HS6ST3: variants seen among roughly 807,000 people sequenced by gnomAD.
HS6ST3 encodes the protein heparan sulfate 6-O-sulfotransferase 3, also known as heparan-sulfate 6-O-sulfotransferase 3.
HS6ST3 carries 12 observed loss-of-function variants against 36.7 expected under a neutral mutation model. That is an observed-to-expected ratio of 0.33 (90% CI 0.21 to 0.53). HS6ST3 has a LOEUF of 0.53. Among genes scored for constraint, HS6ST3 ranks in the 20% least tolerant of loss-of-function variants. HS6ST3 has a pLI of 0.95. For missense variants in HS6ST3, 584 were observed against 640.9 expected (o/e 0.91, Z 0.96); for synonymous variants, 240 against 257.5 (o/e 0.93, Z 0.65).
In HS6ST3 at chr13:96,345,383, A is replaced by G. The variant is rs528778905; in HGVS notation, c.707+253814A>G. Among the ~76,000 whole-genome samples the G allele has an allele frequency of 2.0e-5, 3 of 152,274 alleles. No individual in the cohort carries two copies. The East Asian group carries it at 5.8e-4, about 29-fold the overall frequency. ...GCGTGTTTGTCTTAGTGACTGGATT[A>G]ATTTTTAGGTGTGTGTGCATATATC... On this transcript the variant is annotated intron_variant, in intron 1 of 1. Coordinates refer to ENST00000376705, the MANE Select transcript of HS6ST3 (RefSeq NM_153456.4).
intron 1 of HS6ST3, among the ~76,000 whole-genome samples, chr13:96,319,854 G>A (rs976577984): frequency 6.6e-6 from 1 of 152,112 alleles, no homozygotes; most frequent in Non-Finnish European, 1.5e-5. Context: ...TCTTTGCTGG[G>A]AGTCAGAAAG....
intron 1 of HS6ST3, among the ~76,000 whole-genome samples, chr13:96,830,304 T>A (rs1186797801): frequency 1.3e-5 from 2 of 152,032 alleles, no homozygotes; most frequent in Non-Finnish European, 2.9e-5. Flanking sequence ...ACTCAAAGAG[T>A]ATCTATAGTC....
Position 96,638,527 on chromosome 13 carries a change from G to A in HS6ST3, c.708-193963G>A, listed in dbSNP as rs116092688. On this transcript the variant is annotated intron_variant, in intron 1 of 1. Transcript: ENST00000376705. ...ATCCCATGGGAGGGACTAGGTGGAG[G>A]TAATTGAATCATGGGGGCAGTTACC... 8.0e-3 allele frequency among the ~76,000 whole-genome samples: 1,210 copies of A among 152,020 alleles called. 16 individuals carry two copies. The highest frequency in any genetic ancestry group is 0.027 in the African/African-American group (1,108 of 41,494).
At chr13:96,648,626 A>G (rs1165148462) in intron 1 of HS6ST3, among the ~76,000 whole-genome samples, 3 of 151,730 alleles carry the variant, frequency 2.0e-5, no homozygotes, top group Non-Finnish European at 4.4e-5. Context: ...TGCATTAGCT[A>G]TTTATCCTGA....
At chr13:96,593,075 T>A (rs1262248534) in intron 1 of HS6ST3, among the ~76,000 whole-genome samples, 1 of 151,964 alleles carries the variant, frequency 6.6e-6, no homozygotes, top group African/African-American at 2.4e-5. Context: ...ACTCTTAGAT[T>A]TGCCCTTTTT....
chr13:96,323,204 G>C (rs2055013414), intron 1 of HS6ST3, among the ~76,000 whole-genome samples: 4 of 152,116 alleles, frequency 2.6e-5, no homozygotes, highest in Admixed American at 2.6e-4. Context: ...ATATCTGATA[G>C]ATTATCTCAA....
intron 1 of HS6ST3, among the ~76,000 whole-genome samples, chr13:96,314,155 C>G (rs2054956175): frequency 6.6e-6 from 1 of 152,146 alleles, no homozygotes; most frequent in Admixed American, 6.5e-5. Context: ...GAGTCAGGAT[C>G]ACTCCACTGC....
intron 1 of HS6ST3, among the ~76,000 whole-genome samples, chr13:96,260,083 C>G (rs2054656556): frequency 6.6e-6 from 1 of 151,848 alleles, no homozygotes; most frequent in East Asian, 1.9e-4. Flanking sequence ...TTGCTACTGT[C>G]AAAAATAATG....
chr13:96,404,255 A>G (rs1348262103), intron 1 of HS6ST3, among the ~76,000 whole-genome samples: 1 of 152,206 alleles, frequency 6.6e-6, no homozygotes, highest in East Asian at 1.9e-4. Context: ...CCCTAGGAAT[A>G]AGATGGATTT....
At chr13:96,193,636 T>C (rs1376281649) in intron 1 of HS6ST3, among the ~76,000 whole-genome samples, 2 of 152,158 alleles carry the variant, frequency 1.3e-5, no homozygotes, top group East Asian at 3.9e-4. Context: ...GAGCAGATGT[T>C]ACAGATTTTA....
At chr13:96,799,151 G>C (rs9513182) in intron 1 of HS6ST3, among the ~76,000 whole-genome samples, 13,314 of 152,132 alleles carry the variant, frequency 0.088, 712 homozygotes, top group East Asian at 0.27. Context: ...TGATCAAATG[G>C]TATTTCTAGT....
At chr13:96,740,648 G>C (rs1213114884) in intron 1 of HS6ST3, among the ~76,000 whole-genome samples, 3 of 152,162 alleles carry the variant, frequency 2.0e-5, no homozygotes, top group African/African-American at 7.2e-5. Context: ...TAATATGTCA[G>C]TAAGGGGAGA....
intron 1 of HS6ST3, among the ~76,000 whole-genome samples, chr13:96,723,600 C>T (rs1234655530): frequency 6.6e-6 from 1 of 152,166 alleles, no homozygotes; most frequent in Non-Finnish European, 1.5e-5. Flanking sequence ...TTCATTAGTA[C>T]CTTTAAACTC....
intron 1 of HS6ST3, among the ~76,000 whole-genome samples, chr13:96,672,231 G>A (rs960929005): frequency 1.3e-5 from 2 of 152,108 alleles, no homozygotes; most frequent in Non-Finnish European, 1.5e-5. Flanking sequence ...GTTAGTCAAT[G>A]TTTACTTTAT....
chr13:96,685,152 T>C (rs1224872442), intron 1 of HS6ST3, among the ~76,000 whole-genome samples: 2 of 152,078 alleles, frequency 1.3e-5, no homozygotes, highest in African/African-American at 4.8e-5. Context: ...TTAGCTATTA[T>C]TCTCTCTGCC....
Position 96,091,577 on chromosome 13 carries a change from C to A in HS6ST3, c.707+8C>A. 1 of 1,558,804 alleles carries A rather than the reference C, an allele frequency of 6.4e-7. No homozygotes were observed. The highest frequency in any genetic ancestry group is 8.6e-7 in the Non-Finnish European group (1 of 1,158,390). ...CAACCACAGCCACACCAGGTACTGT[C>A]GCCCGCTGGGTCTCTGTTCTTCCCC... On this transcript the variant is annotated splice_region_variant and intron_variant, in intron 1 of 1. Transcript: ENST00000376705.
intron 1 of HS6ST3, among the ~76,000 whole-genome samples, chr13:96,700,682 G>A (rs927934371): frequency 6.6e-6 from 1 of 152,124 alleles, no homozygotes; most frequent in African/African-American, 2.4e-5. Context: ...GTCACACTGT[G>A]TCTGGGTCTG....
chr13:96,579,537 A>G (rs75178234), intron 1 of HS6ST3, among the ~76,000 whole-genome samples: 9,070 of 152,098 alleles, frequency 0.06, 286 homozygotes, highest in Middle Eastern at 0.088. Context: ...TACTTACACA[A>G]GAGAAAAATA....
chr13:96,600,702 A>G (rs1202752680), intron 1 of HS6ST3, among the ~76,000 whole-genome samples: 2 of 151,992 alleles, frequency 1.3e-5, no homozygotes, highest in East Asian at 3.9e-4. Context: ...TGCTCCAGTC[A>G]TCATAATAAT....
Sources: allele counts gnomAD v4.1 joint callset (sites outside exome capture counted in the v4.1 genomes callset), GRCh38; gene constraint gnomAD v4.1.1; transcripts MANE v1.5; gene names NCBI Gene and HGNC (gene_info 2026-07-23, HGNC 2026-07-21).